APP: variants seen among roughly 807,000 people sequenced by gnomAD.
The protein encoded by APP is amyloid-beta precursor protein.
In APP, 31 loss-of-function variants were observed where a neutral mutation model predicts 101.4. That is an observed-to-expected ratio of 0.31 (90% CI 0.23 to 0.41). APP has a LOEUF of 0.41. Ranked by LOEUF, APP falls within the 10% of genes least tolerant of loss-of-function variation. The probability of loss-of-function intolerance (pLI) is 1.00; values close to 1 mark genes in which losing one functional copy is unlikely to be tolerated. For synonymous variants in APP, 366 were observed against 364.4 expected, an observed-to-expected ratio of 1.00 and a Z score of -0.05; for missense variants, 839 against 1,003.7, an observed-to-expected ratio of 0.84 and a Z score of 2.22.
At chr21:26,032,438 G>A (rs1459023438) in intron 5 of APP, among the ~76,000 whole-genome samples, 1 of 152,146 alleles carries the variant, frequency 6.6e-6, no homozygotes, top group East Asian at 1.9e-4. Context: ...GGTGATTAAT[G>A]GTGACTTTCC....
chr21:26,016,161 G>T (rs1284134546), intron 6 of APP, among the ~76,000 whole-genome samples: 1 of 152,100 alleles, frequency 6.6e-6, no homozygotes, highest in Non-Finnish European at 1.5e-5. Flanking sequence ...CACCTGAGTA[G>T]CTGGGATTAT....
At position 26,009,210 on chromosome 21, in the gene APP, A is replaced by C. The variant is rs575124254; in HGVS notation, c.866-9028T>G. ...GCATAGGTTTTGGCTTATTAAAAGA[A>C]GTACACATATATTTGGGAAAAGACA... On this transcript the variant is annotated intron_variant, in intron 6 of 17. Coordinates refer to ENST00000346798, the MANE Select transcript of APP (RefSeq NM_000484.4). Among the ~76,000 whole-genome samples, 6 of 152,392 alleles carry C rather than the reference A, an allele frequency of 3.9e-5. No individual in the cohort carries two copies. In the East Asian group the frequency reaches 1.2e-3, roughly 29 times the overall value.
chr21:26,111,878 C>T, intron 2 of APP, 101 bp downstream of exon 2: 1 of 1,266,592 alleles, frequency 7.9e-7, no homozygotes, highest in South Asian at 1.2e-5. Flanking sequence ...AAGATTTTTA[C>T]TGTAGGGTTA....
chr21:25,977,796 T>C (rs2042277912), intron 9 of APP, among the ~76,000 whole-genome samples: 1 of 152,202 alleles, frequency 6.6e-6, no homozygotes, highest in Admixed American at 6.5e-5. Flanking sequence ...AAACATATTG[T>C]CCCATCTGCT....
At chr21:26,069,904 T>C (rs965952940) in intron 3 of APP, among the ~76,000 whole-genome samples, 2 of 152,320 alleles carry the variant, frequency 1.3e-5, no homozygotes, top group Admixed American at 6.5e-5. Flanking sequence ...GTTAACAATA[T>C]TGTTAACAAT....
intron 3 of APP, among the ~76,000 whole-genome samples, chr21:26,084,537 C>T (rs1329323021): frequency 0.012 from 1 of 84 alleles, no homozygotes; most frequent in African/African-American, 0.062. Context: ...CGCGCCCGGC[C>T]GAAGACACCA....
intron 8 of APP, 115 bp downstream of exon 8, chr21:25,997,245 A>G: frequency 3.0e-6 from 3 of 1,014,536 alleles, no homozygotes; most frequent in Non-Finnish European, 4.7e-6. Flanking sequence ...CATTTTACTA[A>G]GACAGGTGTT....
rs114576864 is a variant in APP at position 25,950,932 on chromosome 21, G to A, written c.1687+3658C>T. ...ACCAAGAGAACTCAGAATAGAGTGTGTAAAACAAGTAAATTTCCAGAAGGA... is the reference window on the plus strand; with the variant it reads ...ACCAAGAGAACTCAGAATAGAGTGTATAAAACAAGTAAATTTCCAGAAGGA... On this transcript the variant is annotated intron_variant, in intron 13 of 17. Transcript: ENST00000346798. Among the ~76,000 whole-genome samples the A allele has an allele frequency of 2.0e-3, 306 of 152,322 alleles. 4 individuals carry two copies. The highest frequency in any genetic ancestry group is 7.1e-3 in the African/African-American group (294 of 41,578).
At chr21:26,105,572 C>A (rs138482701) in intron 2 of APP, among the ~76,000 whole-genome samples, 1 of 151,608 alleles carries the variant, frequency 6.6e-6, no homozygotes, top group East Asian at 1.9e-4. Flanking sequence ...GCATGAAAAT[C>A]CAAGCCTACA....
At chr21:26,018,832 C>T (rs1568863923) in intron 6 of APP, among the ~76,000 whole-genome samples, 1 of 152,150 alleles carries the variant, frequency 6.6e-6, no homozygotes, top group African/African-American at 2.4e-5. Context: ...AGGTTCATTT[C>T]TTTTTTGCCT....
intron 1 of APP, among the ~76,000 whole-genome samples, chr21:26,150,602 TAGAC>T (rs1367060505): frequency 1.4e-5 from 2 of 144,810 alleles, no homozygotes; most frequent in African/African-American, 2.6e-5. Flanking sequence ...GACATCTAGA[TAGAC>T]AGATAGATAG....
At chr21:25,915,029 C>T (rs1298002924) in intron 13 of APP, among the ~76,000 whole-genome samples, 2 of 152,332 alleles carry the variant, frequency 1.3e-5, no homozygotes, top group African/African-American at 4.8e-5. Flanking sequence ...GAATGGCTCC[C>T]TCTTTGTTTC....
At chr21:25,942,860 G>A (rs761114188) in intron 13 of APP, among the ~76,000 whole-genome samples, 18 of 152,074 alleles carry the variant, frequency 1.2e-4, no homozygotes, top group South Asian at 2.1e-4. Context: ...GCTGTGCAAT[G>A]TGATGGACGA....
At position 26,161,167 on chromosome 21, in the gene APP, T is replaced by C. The variant is rs192408652; in HGVS notation, c.57+9397A>G. On this transcript the variant is annotated intron_variant, in intron 1 of 17. Transcript: ENST00000346798. ...ATGAGTGATCAAACAAATTACTGTA[T>C]AGAAAAGTGTGTGATCACAATCAAC... 7.2e-4 allele frequency among the ~76,000 whole-genome samples: 110 copies of C among 152,332 alleles called. 1 individual carries two copies. Among genetic ancestry groups the C allele is most frequent in the African/African-American group, 2.5e-3 (106 of 41,590 alleles).
intron 3 of APP, among the ~76,000 whole-genome samples, chr21:26,088,815 A>G (rs2061757996): frequency 6.6e-6 from 1 of 152,218 alleles, no homozygotes; most frequent in African/African-American, 2.4e-5. Flanking sequence ...GAATTATCAG[A>G]TGTTTAAGAA....
At chr21:26,113,461 C>T (rs2062371742) in intron 1 of APP, among the ~76,000 whole-genome samples, 1 of 152,152 alleles carries the variant, frequency 6.6e-6, no homozygotes, top group Admixed American at 6.5e-5. Flanking sequence ...GACTTAGGTC[C>T]TTACAACAAA....
intron 6 of APP, among the ~76,000 whole-genome samples, chr21:26,013,371 T>C (rs1316156172): frequency 6.6e-6 from 1 of 151,858 alleles, no homozygotes; most frequent in African/African-American, 2.4e-5. Context: ...CATGTTTAAA[T>C]GAACCTGAAC....
At chr21:26,163,520 C>T (rs2063544359) in intron 1 of APP, among the ~76,000 whole-genome samples, 1 of 152,192 alleles carries the variant, frequency 6.6e-6, no homozygotes, top group Non-Finnish European at 1.5e-5. Context: ...CTCATCCCTG[C>T]TCATGAACCC....
chr21:26,097,615 TAA>T, intron 2 of APP, among the ~76,000 whole-genome samples: 1 of 152,280 alleles, frequency 6.6e-6, no homozygotes, highest in African/African-American at 2.4e-5. Flanking sequence ...TAGATTACTG[TAA>T]ATAAGCACTC....
Sources: allele counts gnomAD v4.1 joint callset (sites outside exome capture counted in the v4.1 genomes callset), GRCh38; gene constraint gnomAD v4.1.1; transcripts MANE v1.5; gene names NCBI Gene and HGNC (gene_info 2026-07-23, HGNC 2026-07-21).